The following METTL15 variants were observed in gnomAD, a reference collection of about 807,000 sequenced individuals.
METTL15 encodes methyltransferase 15, mitochondrial 12S rRNA N4-cytidine, also known as 12S rRNA N(4)-cytidine methyltransferase METTL15.
In METTL15, 34 loss-of-function variants were observed where a neutral mutation model predicts 38.3. That is an observed-to-expected ratio of 0.89 (90% CI 0.68 to 1.18). The LOEUF is 1.18. Among genes scored for constraint, METTL15 ranks in the 50% most tolerant of loss-of-function variants. The probability of loss-of-function intolerance (pLI) is 0.00; values close to 1 mark genes in which losing one functional copy is unlikely to be tolerated. For synonymous variants in METTL15, 162 were observed against 170.9 expected (o/e 0.95, Z 0.41); for missense variants, 438 against 498.4 (o/e 0.88, Z 1.15).
At chr11:28,292,621 G>A (rs924081138) in intron 5 of METTL15, among the ~76,000 whole-genome samples, 1 of 152,126 alleles carries the variant, frequency 6.6e-6, no homozygotes, top group Non-Finnish European at 1.5e-5. Flanking sequence ...CTAGATGCCT[G>A]AGGAATCGCC....
At position 28,314,997 on chromosome 11, in the gene METTL15, T is replaced by A. The variant is rs1306124795; in HGVS notation, c.779-15399T>A. On this transcript the variant is annotated intron_variant, in intron 6 of 6. Transcript: ENST00000407364. ...TAAGTCCAATTAAACCTCTTTCTTC[T>A]GTAATTGGCCCAGTCTCAGGTATGC... 5.3e-5 allele frequency among the ~76,000 whole-genome samples: 8 copies of A among 152,320 alleles called. No homozygotes were observed. The East Asian group carries it at 1.3e-3, about 26-fold the overall frequency.
At chr11:28,509,702 T>C (rs1851658669) in intron 6 of METTL15, among the ~76,000 whole-genome samples, 1 of 152,196 alleles carries the variant, frequency 6.6e-6, no homozygotes, top group Non-Finnish European at 1.5e-5. Context: ...GGGCTCAAAT[T>C]AGATCTCCTA....
At chr11:28,315,414 G>A (rs1285366315) in intron 6 of METTL15, among the ~76,000 whole-genome samples, 2 of 152,162 alleles carry the variant, frequency 1.3e-5, no homozygotes, top group Non-Finnish European at 2.9e-5. Context: ...GCGTACCTGG[G>A]GGAAGAAATT....
chr11:28,227,000 A>G (rs539162438), intron 4 of METTL15, among the ~76,000 whole-genome samples: 22 of 152,034 alleles, frequency 1.4e-4, no homozygotes, highest in African/African-American at 5.3e-4. Flanking sequence ...TGTTTTTGGT[A>G]ACAAAAACAT....
intron 5 of METTL15, among the ~76,000 whole-genome samples, chr11:28,292,635 C>T (rs1038524511): frequency 6.6e-5 from 10 of 152,128 alleles, no homozygotes; most frequent in African/African-American, 2.4e-4. Flanking sequence ...AATCGCCACA[C>T]TGACTTCTAA....
At chr11:28,403,940 G>C (rs928793270) in intron 5 of METTL15, among the ~76,000 whole-genome samples, 1 of 151,876 alleles carries the variant, frequency 6.6e-6, no homozygotes, top group Non-Finnish European at 1.5e-5. Context: ...TCTGTATCCT[G>C]TGATTTCTGC....
At chr11:28,224,108 A>T (rs1853370083) in intron 4 of METTL15, among the ~76,000 whole-genome samples, 1 of 152,062 alleles carries the variant, frequency 6.6e-6, no homozygotes, top group Admixed American at 6.6e-5. Flanking sequence ...ATGAAAGTAT[A>T]AACTCACCCA....
At chr11:28,204,169 G>T (rs914432915) in intron 3 of METTL15, among the ~76,000 whole-genome samples, 1 of 151,928 alleles carries the variant, frequency 6.6e-6, no homozygotes, top group African/African-American at 2.4e-5. Context: ...AGGTAAAGTT[G>T]GGGGATTGTA....
intron 6 of METTL15, among the ~76,000 whole-genome samples, chr11:28,515,178 C>T (rs1265403526): frequency 6.6e-6 from 1 of 151,952 alleles, no homozygotes; most frequent in African/African-American, 2.4e-5. Context: ...TTCTAGGAGC[C>T]AGAAAGGGTC....
intron 6 of METTL15, 34 bp from the exon 7 acceptor site, chr11:28,330,362 T>C: frequency 6.8e-7 from 1 of 1,468,614 alleles, no homozygotes; most frequent in Non-Finnish European, 9.1e-7. Flanking sequence ...ATGTTACCGG[T>C]CTTCTTTTCC....
At chr11:28,494,200 A>C (rs1423819757) in intron 6 of METTL15, among the ~76,000 whole-genome samples, 4 of 152,188 alleles carry the variant, frequency 2.6e-5, no homozygotes, top group Non-Finnish European at 5.9e-5. Flanking sequence ...GAGATGCTTC[A>C]GGGGCACCCA....
At chr11:28,120,250 C>T (rs1852165073) in intron 3 of METTL15, among the ~76,000 whole-genome samples, 2 of 149,810 alleles carry the variant, frequency 1.3e-5, no homozygotes, top group South Asian at 4.2e-4. Flanking sequence ...CTGTGCCCAG[C>T]CTTTTTTTTT....
intron 3 of METTL15, among the ~76,000 whole-genome samples, chr11:28,126,316 T>C (rs1284773645): frequency 6.6e-6 from 1 of 152,008 alleles, no homozygotes; most frequent in Non-Finnish European, 1.5e-5. Flanking sequence ...TGATATGCTG[T>C]ATATACCATT....
chr11:28,507,092 A>G (rs539883164), intron 6 of METTL15, among the ~76,000 whole-genome samples: 1 of 152,248 alleles, frequency 6.6e-6, no homozygotes, highest in South Asian at 2.1e-4. Flanking sequence ...CCAATCAGTC[A>G]GCACACGCAT....
chr11:28,339,333 T>A (rs1457663600), intron 3 of METTL15, among the ~76,000 whole-genome samples: 2 of 152,030 alleles, frequency 1.3e-5, no homozygotes, highest in African/African-American at 4.8e-5. Flanking sequence ...TCACACACAA[T>A]GCTGTACATA....
chr11:28,320,120 TTTTA>T (rs1160033047), intron 6 of METTL15, among the ~76,000 whole-genome samples: 1 of 152,172 alleles, frequency 6.6e-6, no homozygotes, highest in Non-Finnish European at 1.5e-5. Context: ...TAATAAATTT[TTTTA>T]GTCTATACAA....
At chr11:28,398,159 T>C (rs970819954) in intron 5 of METTL15, among the ~76,000 whole-genome samples, 12 of 151,944 alleles carry the variant, frequency 7.9e-5, no homozygotes, top group African/African-American at 2.7e-4. Context: ...ACATGGCACA[T>C]GTGTACATAT....
chr11:28,402,402 A>G (rs1227364059), intron 5 of METTL15, among the ~76,000 whole-genome samples: 2 of 151,896 alleles, frequency 1.3e-5, no homozygotes, highest in African/African-American at 2.4e-5. Context: ...TACCCAATTT[A>G]TAGTCTCCAG....
At chr11:28,427,289 C>T (rs1047123147) in intron 6 of METTL15, among the ~76,000 whole-genome samples, 10 of 152,148 alleles carry the variant, frequency 6.6e-5, no homozygotes, top group Non-Finnish European at 1.3e-4. Flanking sequence ...TTCCCTTGGT[C>T]TATGTGTCTA....
Sources: allele counts gnomAD v4.1 joint callset (sites outside exome capture counted in the v4.1 genomes callset), GRCh38; gene constraint gnomAD v4.1.1; transcripts MANE v1.5; gene names NCBI Gene and HGNC (gene_info 2026-07-23, HGNC 2026-07-21).